Variants in ANKRD6 observed in about 807,000 individuals in gnomAD.
ANKRD6 encodes the protein ankyrin repeat domain 6.
Under a neutral mutation model 82.3 loss-of-function variants are expected in ANKRD6, and 56 were observed. The observed-to-expected ratio is 0.68, with a 90% confidence interval of 0.55 to 0.85. ANKRD6 has a LOEUF of 0.85. Among genes scored for constraint, ANKRD6 ranks in the 40% least tolerant of loss-of-function variants. The pLI is 0.00. For synonymous variants in ANKRD6, 347 were observed against 352.1 expected (o/e 0.99, Z 0.16); for missense variants, 852 against 907.6 (o/e 0.94, Z 0.79).
chr6:89,618,495 C>G (rs1353951790), intron 9 of ANKRD6: 1 of 321,924 alleles, frequency 3.1e-6, no homozygotes, highest in Non-Finnish European at 5.7e-6. Flanking sequence ...TAAGTACAGT[C>G]TAGTTTTCTT....
rs1484943110 is a variant in ANKRD6, at chr6:89,630,966, C to T, written c.2146C>T (p.Leu716Phe). 4 of 1,582,948 alleles carry T rather than the reference C, an allele frequency of 2.5e-6. No homozygotes were observed. Among genetic ancestry groups the T allele is most frequent in the African/African-American group, 1.4e-5 (1 of 74,018 alleles). ...KEHIKSLEEELAKLRTRVQKE... is the reference protein window; with the variant it reads ...KEHIKSLEEEFAKLRTRVQKE... Reference sequence around the variant, plus strand: ...ACACATTAAAAGTTTAGAAGAGGAACTTGCCAAACTAAGGACTAGGGTGCA... The same window carrying T: ...ACACATTAAAAGTTTAGAAGAGGAATTTGCCAAACTAAGGACTAGGGTGCA... The change falls in exon 16 of 16, where the codon CTT (leucine) becomes TTT (phenylalanine). Residue 716 changes from leucine (L) to phenylalanine (F), a missense_variant. Physicochemically the swap from Leu to Phe is conservative, Grantham distance 22. Coordinates refer to ENST00000339746, the MANE Select transcript of ANKRD6 (RefSeq NM_001242809.2).
At chr6:89,519,654 A>G (rs947650760) in intron 1 of ANKRD6, among the ~76,000 whole-genome samples, 2 of 152,224 alleles carry the variant, frequency 1.3e-5, no homozygotes, top group Admixed American at 1.3e-4. Flanking sequence ...GATTTGAAAT[A>G]TGGATATGAA....
At chr6:89,576,349 C>A (rs1337763395) in intron 2 of ANKRD6, among the ~76,000 whole-genome samples, 6 of 152,228 alleles carry the variant, frequency 3.9e-5, no homozygotes, top group African/African-American at 1.4e-4. Context: ...CACACCTGGC[C>A]ATTTGCACAA....
chr6:89,476,930 A>C (rs1776105017), intron 1 of ANKRD6, among the ~76,000 whole-genome samples: 1 of 152,168 alleles, frequency 6.6e-6, no homozygotes, highest in African/African-American at 2.4e-5. Flanking sequence ...TTTTTTAAAA[A>C]ATATGAAAGG....
At chr6:89,474,079 G>A (rs1462906739) in intron 1 of ANKRD6, among the ~76,000 whole-genome samples, 1 of 151,950 alleles carries the variant, frequency 6.6e-6, no homozygotes, top group Admixed American at 6.6e-5. Context: ...ATAGACGACT[G>A]TCTCACCTTT....
In ANKRD6 at chr6:89,623,410, G is replaced by GGCA; in HGVS notation, c.900_902dup (p.Ser301dup). 2 of 1,611,906 alleles carry GGCA rather than the reference G, an allele frequency of 1.2e-6. No homozygotes were observed. Among genetic ancestry groups the GGCA allele is most frequent in the East Asian group, 4.5e-5 (2 of 44,870 alleles). Reference sequence around the variant, plus strand: ...GTCTCTGGGCTTTTTCCTTCTGTAGGGCAGTGTCTCAGCAGGAGACACCCC... The same window carrying GGCA: ...GTCTCTGGGCTTTTTCCTTCTGTAGGGCAGCAGTGTCTCAGCAGGAGACACCCC... On this transcript the variant is annotated inframe_insertion and splice_region_variant, in exon 11 of 16. Transcript: ENST00000339746.
At chr6:89,452,814 G>A (rs1410668733) in intron 1 of ANKRD6, among the ~76,000 whole-genome samples, 1 of 152,192 alleles carries the variant, frequency 6.6e-6, no homozygotes, top group African/African-American at 2.4e-5. Flanking sequence ...TTTAAAGAGA[G>A]GAGTGTAAAC....
intron 1 of ANKRD6, among the ~76,000 whole-genome samples, chr6:89,519,507 G>A (rs1435727205): frequency 3.3e-5 from 5 of 152,184 alleles, no homozygotes; most frequent in South Asian, 2.1e-4. Context: ...TTGCAATAAC[G>A]AACACTGGAG....
At chr6:89,601,356 C>A (rs567083715) in intron 3 of ANKRD6, among the ~76,000 whole-genome samples, 1 of 152,088 alleles carries the variant, frequency 6.6e-6, no homozygotes, top group Non-Finnish European at 1.5e-5. Context: ...CCTGACCCCC[C>A]CTCACTGCAG....
intron 1 of ANKRD6, among the ~76,000 whole-genome samples, chr6:89,550,721 C>T (rs764029396): frequency 5.9e-5 from 9 of 151,868 alleles, no homozygotes; most frequent in Non-Finnish European, 1.0e-4. Context: ...TTTGGGAGGC[C>T]GAGGAGGGGT....
At chr6:89,443,034 A>G (rs1294386493) in intron 1 of ANKRD6, among the ~76,000 whole-genome samples, 1 of 152,224 alleles carries the variant, frequency 6.6e-6, no homozygotes, top group African/African-American at 2.4e-5. Flanking sequence ...GCAAAGAAAC[A>G]TATTTTGGGA....
At chr6:89,527,918 T>A (rs1441888808) in intron 1 of ANKRD6, among the ~76,000 whole-genome samples, 1 of 152,184 alleles carries the variant, frequency 6.6e-6, no homozygotes, top group Non-Finnish European at 1.5e-5. Flanking sequence ...CCAGTGTTCC[T>A]CCCACCTCAG....
At chr6:89,527,944 G>A (rs1265472136) in intron 1 of ANKRD6, among the ~76,000 whole-genome samples, 9 of 152,084 alleles carry the variant, frequency 5.9e-5, no homozygotes, top group Admixed American at 5.2e-4. Context: ...AAAGTATCTG[G>A]GACTGTAGGC....
At chr6:89,446,806 G>T (rs770589177) in intron 1 of ANKRD6, among the ~76,000 whole-genome samples, 8 of 152,278 alleles carry the variant, frequency 5.3e-5, no homozygotes, top group Non-Finnish European at 1.2e-4. Flanking sequence ...AATCATGGGG[G>T]CAGTTACCCT....
chr6:89,438,528 A>G (rs1254608619), intron 1 of ANKRD6, among the ~76,000 whole-genome samples: 4 of 152,240 alleles, frequency 2.6e-5, no homozygotes, highest in Admixed American at 6.5e-5. Context: ...CTTAGTAAAA[A>G]TAATTTACTT....
chr6:89,624,213 C>A (rs1804746843), intron 12 of ANKRD6, among the ~76,000 whole-genome samples, 156 bp downstream of exon 12: 1 of 152,226 alleles, frequency 6.6e-6, no homozygotes, highest in Admixed American at 6.5e-5. Flanking sequence ...CTGCACGGTG[C>A]AGATCCACTC....
At chr6:89,582,712 C>T (rs1792840004) in intron 2 of ANKRD6, among the ~76,000 whole-genome samples, 1 of 146,142 alleles carries the variant, frequency 6.8e-6, no homozygotes, top group Non-Finnish European at 1.5e-5. Context: ...TTTAAAGTCT[C>T]TCACAATCTT....
intron 1 of ANKRD6, among the ~76,000 whole-genome samples, chr6:89,459,558 G>A (rs1773881182): frequency 6.7e-6 from 1 of 148,168 alleles, no homozygotes; most frequent in African/African-American, 2.5e-5. Flanking sequence ...GTAAGGGTTA[G>A]GGTTGTTTTA....
At chr6:89,496,904 T>C (rs1276647779) in intron 1 of ANKRD6, among the ~76,000 whole-genome samples, 1 of 152,232 alleles carries the variant, frequency 6.6e-6, no homozygotes. Context: ...TCACCTTTAT[T>C]GTTTAATAGA....
Sources: gnomAD v4.1 joint callset for allele counts (sites outside exome capture counted in the v4.1 genomes callset) on GRCh38, gnomAD v4.1.1 for gene constraint, MANE v1.5 for transcripts, NCBI Gene and HGNC (gene_info 2026-07-23, HGNC 2026-07-21) for gene names.